Variants in TEX9 observed in about 807,000 individuals in gnomAD.
TEX9 encodes testis-expressed protein 9.
TEX9 carries 74 observed loss-of-function variants against 59.6 expected under a neutral mutation model. The observed-to-expected ratio is 1.24, with a 90% CI of 1.03 to 1.51. The LOEUF is 1.51. Among genes scored for constraint, TEX9 ranks in the 40% most tolerant of loss-of-function variants. The pLI, the probability that TEX9 is intolerant of heterozygous loss-of-function variation, is 0.00. For synonymous variants in TEX9, 186 were observed against 152.2 expected (o/e 1.22, Z -1.64); for missense variants, 522 against 447.8 (o/e 1.17, Z -1.49).
chr15:56,287,018 T>C (rs73411565), intron 1 of TEX9, among the ~76,000 whole-genome samples: 5,426 of 152,210 alleles, frequency 0.036, 346 homozygotes, highest in African/African-American at 0.12. Context: ...GTTTTTACTG[T>C]TACTTAATGT....
chr15:56,420,884 A>G (rs941439709), intron 10 of TEX9, among the ~76,000 whole-genome samples: 3 of 151,908 alleles, frequency 2.0e-5, no homozygotes. Flanking sequence ...ACTGATTTTT[A>G]ATTCCATTGT....
At chr15:56,362,419 T>G (rs74547713), upstream of TEX9, among the ~76,000 whole-genome samples, 2,603 of 152,314 alleles carry the variant, frequency 0.017, 75 homozygotes, top group African/African-American at 0.059. Flanking sequence ...CTGATAATTT[T>G]CCTTGTTCTG....
chr15:56,243,981 A>ACGGCGCGGAGGG (rs1389923781), upstream of TEX9: 3 of 150,188 alleles, frequency 2.0e-5, no homozygotes, highest in Admixed American at 6.6e-5. Context: ...ATGGGGGCGC[A>ACGGCGCGGAGGG]CGGCGCGGAG....
rs1056829866 is a variant in TEX9, at chr15:56,394,331, A to G, written c.654+84A>G. 4 of 1,165,896 alleles carry G rather than the reference A, an allele frequency of 3.4e-6. No homozygotes were observed. In the African/African-American group the frequency reaches 6.3e-5, roughly 18 times the overall value. The allele number at this position is 1,165,896 out of a possible 1,614,324, so 72.2% of individuals were successfully genotyped here. A position where few individuals can be genotyped will look rare whatever the true frequency, so the allele number is the denominator to read the frequency against. On this transcript the variant is annotated intron_variant, in intron 8 of 12. Transcript: ENST00000352903. The stretch of plus-strand genomic sequence containing the variant: ...TCAATTACATTTTTTGAATTACTTT[A>G]TTTAGATATAAATCATAGTTAAATT...
chr15:56,250,874 T>G lies in TEX9; in HGVS notation c.-107+6596T>G, dbSNP rs576126491. ...CTTAAGTCAACTGATTGTAGCTAAT[T>G]AACCACATCTGCAAAATACGTACCT... is the stretch of plus-strand genomic sequence containing the variant. On this transcript the variant is annotated intron_variant, in intron 1 of 5. Coordinates refer to the TEX9 transcript ENST00000560827. Among the ~76,000 whole-genome samples the G allele has an allele frequency of 9.8e-4, 149 of 152,352 alleles. No individual in the cohort carries two copies. The Middle Eastern group carries it at 0.01, about 10-fold the overall frequency.
rs1387280124 is a variant in TEX9 at position 56,437,421 on chromosome 15, C to T, written c.*30-8250C>T. ...CCCTTGACAAAATTCAACAGCCCTTCTTGCTAAAAACTCTCAATAAATTAG... is the reference window on the plus strand; with the variant it reads ...CCCTTGACAAAATTCAACAGCCCTTTTTGCTAAAAACTCTCAATAAATTAG... On this transcript the variant is annotated intron_variant, in intron 12 of 12. Coordinates refer to ENST00000352903, the Ensembl canonical transcript of TEX9. Among the ~76,000 whole-genome samples, 3 of 152,144 alleles carry T rather than the reference C, an allele frequency of 2.0e-5. No individual in the cohort carries two copies. The East Asian group carries it at 5.8e-4, about 29-fold the overall frequency.
chr15:56,401,016 A>G (rs1407975747), intron 9 of TEX9, among the ~76,000 whole-genome samples: 1 of 152,180 alleles, frequency 6.6e-6, no homozygotes, highest in Non-Finnish European at 1.5e-5. Flanking sequence ...GGTACCAGCC[A>G]CTGCAAAAAC....
intron 10 of TEX9, among the ~76,000 whole-genome samples, chr15:56,416,981 A>G (rs1312095327): frequency 2.0e-5 from 3 of 151,570 alleles, no homozygotes; most frequent in East Asian, 3.9e-4. Context: ...TAGGTTTTCT[A>G]GTTTGTGTGC....
At chr15:56,302,918 C>T (rs567400075) in intron 1 of TEX9, among the ~76,000 whole-genome samples, 23 of 152,284 alleles carry the variant, frequency 1.5e-4, no homozygotes, top group African/African-American at 4.8e-4. Context: ...ATTATACTTA[C>T]ATCAGACAAA....
At chr15:56,443,857 G>A in intron 12 of TEX9, 1 of 1,588,128 alleles carries the variant, frequency 6.3e-7, no homozygotes, top group Non-Finnish European at 8.6e-7. Context: ...GTTTTTCCCT[G>A]AAAAGCAATA....
At chr15:56,293,583 A>G (rs1040575010) in intron 1 of TEX9, among the ~76,000 whole-genome samples, 9 of 152,172 alleles carry the variant, frequency 5.9e-5, no homozygotes, top group African/African-American at 2.2e-4. Flanking sequence ...TGGCCACCAC[A>G]TGGCCTACAA....
In TEX9 at chr15:56,272,943, T is replaced by TTA. The variant is rs1567069502; in HGVS notation, c.-107+28666_-107+28667insAT. Among the ~76,000 whole-genome samples, 3 of 144,938 alleles carry TTA rather than the reference T, an allele frequency of 2.1e-5. No homozygotes were observed. The East Asian group carries it at 7.2e-4, about 35-fold the overall frequency. ...ATTTATTTATTTATTTATTTATTTT[T>TTA]TTTGTTGTTGTTGTTGTTGTTGAGA... On this transcript the variant is annotated intron_variant, in intron 1 of 5. Transcript: ENST00000560827.
At chr15:56,355,110 G>A (rs569693174) in intron 1 of TEX9, among the ~76,000 whole-genome samples, 45 of 152,192 alleles carry the variant, frequency 3.0e-4, no homozygotes, top group Middle Eastern at 3.4e-3. Context: ...TGCAGTCAGC[G>A]CCTTCCTCCC....
At chr15:56,289,180 C>T (rs187851142) in intron 1 of TEX9, among the ~76,000 whole-genome samples, 212 of 152,256 alleles carry the variant, frequency 1.4e-3, no homozygotes, top group Non-Finnish European at 2.5e-3. Context: ...TTCTGAGCTT[C>T]CTTTAAACAA....
chr15:56,377,365 A>G (rs1248289797), intron 3 of TEX9, among the ~76,000 whole-genome samples: 1 of 152,124 alleles, frequency 6.6e-6, no homozygotes, highest in African/African-American at 2.4e-5. Context: ...TTTTAACAAT[A>G]TTGATTTTTC....
upstream of TEX9, among the ~76,000 whole-genome samples, chr15:56,361,591 A>G (rs2046790029): frequency 6.6e-6 from 1 of 152,100 alleles, no homozygotes; most frequent in Non-Finnish European, 1.5e-5. Flanking sequence ...TTATAGGTTA[A>G]AGTGTGCCAC....
chr15:56,380,445 T>A (rs1281840966), intron 3 of TEX9, among the ~76,000 whole-genome samples: 3 of 152,172 alleles, frequency 2.0e-5, no homozygotes, highest in African/African-American at 7.2e-5. Flanking sequence ...TTTAGAGTAG[T>A]TTACACTCAA....
intron 1 of TEX9, among the ~76,000 whole-genome samples, chr15:56,256,951 C>T (rs1021113177): frequency 6.6e-6 from 1 of 151,942 alleles, no homozygotes; most frequent in African/African-American, 2.4e-5. Flanking sequence ...CCTCTGCTCT[C>T]CCATAGGCCC....
intron 12 of TEX9, among the ~76,000 whole-genome samples, chr15:56,442,894 G>C (rs1366712378): frequency 5.3e-5 from 8 of 150,972 alleles, no homozygotes; most frequent in Non-Finnish European, 1.2e-4. Context: ...TAAAGTAAAA[G>C]TTGGAAAGAG....
Sources: allele counts gnomAD v4.1 joint callset (sites outside exome capture counted in the v4.1 genomes callset), GRCh38; gene constraint gnomAD v4.1.1; transcripts MANE v1.5; gene names NCBI Gene and HGNC (gene_info 2026-07-23, HGNC 2026-07-21).